NBEA: variants seen among roughly 807,000 people sequenced by gnomAD.
NBEA encodes lysosomal-trafficking regulator 2.
Under a neutral mutation model 343.4 loss-of-function variants are expected in NBEA, and 44 were observed. The observed-to-expected ratio is 0.13, with a 90% confidence interval of 0.10 to 0.16. The LOEUF (loss-of-function observed/expected upper bound fraction) is 0.16. NBEA is among the 10% of genes least tolerant of loss of function. NBEA has a pLI of 1.00. For missense variants in NBEA, 2,555 were observed against 3,631.3 expected (o/e 0.70, Z 7.62); for synonymous variants, 1,175 against 1,238.7 (o/e 0.95, Z 1.08).
intron 5 of NBEA, among the ~76,000 whole-genome samples, chr13:35,049,788 A>G (rs1593586181): frequency 1.3e-5 from 2 of 151,882 alleles, no homozygotes; most frequent in African/African-American, 4.8e-5. Flanking sequence ...TTTTTAAACT[A>G]AAAATGTACT....
chr13:35,112,193 A>G (rs931785303), intron 13 of NBEA, among the ~76,000 whole-genome samples: 3 of 151,910 alleles, frequency 2.0e-5, no homozygotes, highest in Non-Finnish European at 4.4e-5. Context: ...CTATTCTAAT[A>G]TTTATATAAG....
intron 16 of NBEA, 47 bp from the exon 17 acceptor site, chr13:35,123,435 T>C: frequency 8.8e-7 from 1 of 1,130,458 alleles, no homozygotes; most frequent in Non-Finnish European, 1.2e-6. Flanking sequence ...TGTGTTTTTG[T>C]TTTTAATATT....
chr13:35,581,884 T>TAAAAAAAA (rs67036210), intron 45 of NBEA, among the ~76,000 whole-genome samples: 1 of 110,474 alleles, frequency 9.1e-6, no homozygotes, highest in Non-Finnish European at 1.8e-5. Flanking sequence ...AAAGTATAAT[T>TAAAAAAAA]AAAAAAAAAA....
intron 47 of NBEA, among the ~76,000 whole-genome samples, chr13:35,595,205 T>A (rs1357227182): frequency 6.6e-6 from 1 of 152,126 alleles, no homozygotes; most frequent in Non-Finnish European, 1.5e-5. Flanking sequence ...CAGAAACATT[T>A]ACATTTTATT....
chr13:35,086,694 C>T (rs766750139), intron 10 of NBEA, among the ~76,000 whole-genome samples: 21 of 151,796 alleles, frequency 1.4e-4, no homozygotes, highest in Non-Finnish European at 2.5e-4. Flanking sequence ...ATTGCTGGGT[C>T]GAATGGTAGT....
intron 47 of NBEA, among the ~76,000 whole-genome samples, chr13:35,600,871 CTCT>C (rs1300128730): frequency 6.6e-6 from 1 of 152,094 alleles, no homozygotes; most frequent in Non-Finnish European, 1.5e-5. Flanking sequence ...CATGAGGTTC[CTCT>C]TCTTTAAGAA....
intron 41 of NBEA, among the ~76,000 whole-genome samples, chr13:35,538,760 C>T (rs138590603): frequency 6.6e-6 from 1 of 152,314 alleles, no homozygotes; most frequent in African/African-American, 2.4e-5. Flanking sequence ...CTACCTGTGG[C>T]CTCATGTTAG....
chr13:35,602,560 C>T (rs1426155150), intron 47 of NBEA, among the ~76,000 whole-genome samples: 1 of 152,200 alleles, frequency 6.6e-6, no homozygotes. Context: ...GTGTTTAAAA[C>T]ATGTCTGTTT....
At chr13:35,007,392 A>C (rs2152529814) in intron 1 of NBEA, among the ~76,000 whole-genome samples, 1 of 152,246 alleles carries the variant, frequency 6.6e-6, no homozygotes, top group East Asian at 1.9e-4. Context: ...GTGCTGTTAA[A>C]CCTACCATTG....
At chr13:35,074,465 T>A (rs2064022676) in intron 10 of NBEA, among the ~76,000 whole-genome samples, 1 of 152,142 alleles carries the variant, frequency 6.6e-6, no homozygotes, top group African/African-American at 2.4e-5. Flanking sequence ...ATAAATTGAG[T>A]TTTGTATATC....
chr13:35,525,744 TA>T (rs1448065330), intron 41 of NBEA, among the ~76,000 whole-genome samples: 4 of 152,148 alleles, frequency 2.6e-5, no homozygotes, highest in Admixed American at 1.3e-4. Flanking sequence ...TTATTGCTTA[TA>T]GTTGTGGAGG....
chr13:35,226,594 A>G (rs985276016), intron 33 of NBEA, among the ~76,000 whole-genome samples: 1 of 151,498 alleles, frequency 6.6e-6, no homozygotes, highest in Non-Finnish European at 1.5e-5. Context: ...TTAGACTTAC[A>G]TTCTTGAGTT....
intron 17 of NBEA, among the ~76,000 whole-genome samples, chr13:35,138,540 A>G (rs1008446220): frequency 1.3e-5 from 2 of 151,576 alleles, no homozygotes; most frequent in Non-Finnish European, 2.9e-5. Context: ...ACCCACTGCA[A>G]CCTACACCTC....
At chr13:35,157,827 T>G (rs589524) in intron 21 of NBEA, among the ~76,000 whole-genome samples, 1 of 151,838 alleles carries the variant, frequency 6.6e-6, no homozygotes, top group Non-Finnish European at 1.5e-5. Context: ...TTCAGAGTTA[T>G]GGGTTTCTCA....
chr13:35,571,192 A>G (rs1304500602), intron 45 of NBEA, among the ~76,000 whole-genome samples: 1 of 152,182 alleles, frequency 6.6e-6, no homozygotes, highest in East Asian at 1.9e-4. Flanking sequence ...TGAAAGAATT[A>G]AGAAACTATG....
intron 40 of NBEA, among the ~76,000 whole-genome samples, chr13:35,455,478 G>A (rs1479432693): frequency 3.3e-5 from 5 of 151,024 alleles, no homozygotes; most frequent in African/African-American, 7.3e-5. Flanking sequence ...AGCTTTTTTC[G>A]ACATATAAAT....
intron 8 of NBEA, among the ~76,000 whole-genome samples, chr13:35,063,629 A>G (rs1475808571): frequency 6.6e-6 from 1 of 152,016 alleles, no homozygotes; most frequent in South Asian, 2.1e-4. Context: ...TGAGAGGAAC[A>G]GCCATTGAAA....
At chr13:35,669,780 C>G (rs2085520804) in intron 58 of NBEA, among the ~76,000 whole-genome samples, 1 of 152,164 alleles carries the variant, frequency 6.6e-6, no homozygotes, top group Admixed American at 6.5e-5. Flanking sequence ...CAACAAGAAA[C>G]TGACCCCAGA....
At chr13:35,053,813 C>G (rs528265623) in intron 6 of NBEA, among the ~76,000 whole-genome samples, 13 of 152,122 alleles carry the variant, frequency 8.5e-5, no homozygotes, top group African/African-American at 2.9e-4. Context: ...GGAACTTTTC[C>G]TCATAGTTTT....
Sources: allele counts gnomAD v4.1 joint callset (sites outside exome capture counted in the v4.1 genomes callset), GRCh38; gene constraint gnomAD v4.1.1; transcripts MANE v1.5; gene names NCBI Gene and HGNC (gene_info 2026-07-23, HGNC 2026-07-21).